Variants in ARHGAP24 observed in about 807,000 individuals in gnomAD.
ARHGAP24 encodes the protein rho GTPase-activating protein 24.
ARHGAP24 carries 50 observed loss-of-function variants against 76.4 expected under a neutral mutation model. The ratio of observed to expected loss-of-function variants is 0.65; its 90% confidence interval spans 0.52 to 0.83. ARHGAP24 has a LOEUF of 0.83. Among genes scored for constraint, ARHGAP24 ranks in the 40% least tolerant of loss-of-function variants. The pLI is 0.00. For missense variants in ARHGAP24, 930 were observed against 914.2 expected, an observed-to-expected ratio of 1.02 and a Z score of -0.22; for synonymous variants, 345 against 323.3, an observed-to-expected ratio of 1.07 and a Z score of -0.72.
intron 5 of ARHGAP24, among the ~76,000 whole-genome samples, chr4:85,949,562 G>A (rs1737480336): frequency 6.6e-6 from 1 of 152,124 alleles, no homozygotes; most frequent in African/African-American, 2.4e-5. Context: ...ATCCTTCAGG[G>A]CTCCTCCCTA....
chr4:85,523,021 T>C (rs972883476), intron 1 of ARHGAP24, among the ~76,000 whole-genome samples: 8 of 152,218 alleles, frequency 5.3e-5, no homozygotes, highest in Non-Finnish European at 7.3e-5. Flanking sequence ...TTCGACTCTT[T>C]GGTGGCTAAC....
Position 85,541,142 on chromosome 4 carries a change from C to CTTTTTTTTTTTTTTTT in ARHGAP24, c.-20-29366_-20-29351dup, listed in dbSNP as rs70948733. Among the ~76,000 whole-genome samples, 20 of 49,774 alleles carry CTTTTTTTTTTTTTTTT rather than the reference C, an allele frequency of 4.0e-4. 2 individuals carry two copies. The highest frequency in any genetic ancestry group is 1.1e-3 in the African/African-American group (10 of 9,340). 32.7% of individuals were successfully genotyped at this position (49,774 alleles called of 152,430 possible). ...TGTGTCTTCTGCTAGCATCCATGAC[C>CTTTTTTTTTTTTTTTT]TTTTTTTTTTTTTTTTTTTTTTTTT... On this transcript the variant is annotated intron_variant, in intron 1 of 9. Coordinates refer to ENST00000395184, the MANE Select transcript of ARHGAP24 (RefSeq NM_001025616.3).
chr4:85,967,688 A>G (rs1427818612), intron 5 of ARHGAP24, among the ~76,000 whole-genome samples: 1 of 152,114 alleles, frequency 6.6e-6, no homozygotes, highest in Non-Finnish European at 1.5e-5. Context: ...GTGCTTGATT[A>G]TGTATCTTAC....
intron 2 of ARHGAP24, among the ~76,000 whole-genome samples, chr4:85,683,105 T>TGGGGGGGGGGGGG (rs1723269220): frequency 7.6e-5 from 1 of 13,198 alleles, no homozygotes; most frequent in Non-Finnish European, 1.3e-4. Context: ...ACTCTCTCAG[T>TGGGGGGGGGGGGG]GTGTGGGGGG....
intron 3 of ARHGAP24, chr4:85,778,811 C>G: frequency 1.0e-6 from 1 of 985,398 alleles, no homozygotes; most frequent in Non-Finnish European, 1.2e-6. Context: ...GCTACCACCG[C>G]TTTGAAAGGA....
In ARHGAP24 at chr4:85,979,311, C is replaced by T. The variant is rs141011107; in HGVS notation, c.928+1620C>T. On this transcript the variant is annotated intron_variant, in intron 8 of 9. Transcript: ENST00000395184. Reference sequence around the variant, plus strand: ...TTGTAATTATGTGGTTTTTTCAACTCGTTATTGTGGTAAAACACACATAAC... The same window carrying T: ...TTGTAATTATGTGGTTTTTTCAACTTGTTATTGTGGTAAAACACACATAAC... Among the ~76,000 whole-genome samples the T allele has an allele frequency of 5.9e-5, 9 of 152,118 alleles. No individual in the cohort carries two copies. In the East Asian group the frequency reaches 1.7e-3, roughly 29 times the overall value.
At chr4:85,490,829 G>A (rs757906453) in intron 1 of ARHGAP24, among the ~76,000 whole-genome samples, 1 of 152,112 alleles carries the variant, frequency 6.6e-6, no homozygotes, top group Non-Finnish European at 1.5e-5. Context: ...TGTATGACCA[G>A]ACATTATAAA....
intron 3 of ARHGAP24, among the ~76,000 whole-genome samples, chr4:85,781,566 T>C (rs1417814455): frequency 7.1e-6 from 1 of 140,938 alleles, no homozygotes; most frequent in African/African-American, 2.7e-5. Flanking sequence ...TCATTTTTCT[T>C]TAATTTTTAA....
chr4:85,781,768 TCA>T (rs556578802), intron 3 of ARHGAP24, among the ~76,000 whole-genome samples: 74 of 152,270 alleles, frequency 4.9e-4, no homozygotes, highest in African/African-American at 1.7e-3. Flanking sequence ...GCATGGTGAT[TCA>T]CACCTGTAAT....
At chr4:85,622,115 A>C (rs1720738803) in intron 2 of ARHGAP24, among the ~76,000 whole-genome samples, 1 of 151,872 alleles carries the variant, frequency 6.6e-6, no homozygotes, top group East Asian at 1.9e-4. Context: ...TTATTATTAT[A>C]CTTTAAGTTT....
At chr4:85,576,052 T>C (rs569259758) in intron 2 of ARHGAP24, among the ~76,000 whole-genome samples, 1 of 152,246 alleles carries the variant, frequency 6.6e-6, no homozygotes, top group Non-Finnish European at 1.5e-5. Flanking sequence ...ATGGATTTTC[T>C]TAACTTAGAG....
chr4:85,667,112 A>G (rs1210706043), intron 2 of ARHGAP24, among the ~76,000 whole-genome samples: 3 of 152,184 alleles, frequency 2.0e-5, no homozygotes, highest in African/African-American at 7.2e-5. Flanking sequence ...TGGAGCCTAC[A>G]GAGGCAGGCA....
chr4:85,861,658 AG>A (rs1731903028), intron 3 of ARHGAP24, among the ~76,000 whole-genome samples: 1 of 152,068 alleles, frequency 6.6e-6, no homozygotes, highest in Non-Finnish European at 1.5e-5. Context: ...TTGCTATCTC[AG>A]GCACCAAATA....
intron 3 of ARHGAP24, among the ~76,000 whole-genome samples, chr4:85,847,247 A>AT (rs1206038566): frequency 3.3e-5 from 5 of 151,906 alleles, no homozygotes; most frequent in East Asian, 1.9e-4. Context: ...TGCTTGATTC[A>AT]TTTTTTTTCA....
intron 2 of ARHGAP24, among the ~76,000 whole-genome samples, chr4:85,593,214 G>A (rs1268741903): frequency 1.3e-5 from 2 of 152,064 alleles, no homozygotes; most frequent in Non-Finnish European, 2.9e-5. Context: ...ATGATGTTGA[G>A]CACCTTTTCA....
chr4:85,949,479 CAGGTGCCTA>C (rs573942809), intron 5 of ARHGAP24, among the ~76,000 whole-genome samples: 39 of 152,338 alleles, frequency 2.6e-4, no homozygotes, highest in African/African-American at 8.7e-4. Context: ...ACTGACAAGA[CAGGTGCCTA>C]AGTTGGGCTA....
chr4:85,706,028 A>G (rs1724295935), intron 2 of ARHGAP24, among the ~76,000 whole-genome samples: 3 of 152,206 alleles, frequency 2.0e-5, no homozygotes, highest in Admixed American at 6.6e-5. Context: ...GGGAGAGGGC[A>G]CAGATATTCT....
intron 2 of ARHGAP24, among the ~76,000 whole-genome samples, chr4:85,690,665 T>C (rs896079253): frequency 7.9e-5 from 12 of 152,022 alleles, no homozygotes; most frequent in African/African-American, 2.9e-4. Context: ...AATGTCATCT[T>C]TGTCATTTCT....
At chr4:85,950,102 A>C (rs1737521845) in intron 5 of ARHGAP24, among the ~76,000 whole-genome samples, 1 of 152,146 alleles carries the variant, frequency 6.6e-6, no homozygotes, top group Non-Finnish European at 1.5e-5. Context: ...TACACCTATG[A>C]TATGGTGGAG....
Sources: allele counts gnomAD v4.1 joint callset (sites outside exome capture counted in the v4.1 genomes callset), GRCh38; gene constraint gnomAD v4.1.1; transcripts MANE v1.5; gene names NCBI Gene and HGNC (gene_info 2026-07-23, HGNC 2026-07-21).